CCDC15: variants seen among roughly 807,000 people sequenced by gnomAD.
CCDC15 encodes coiled-coil domain-containing protein 15.
In CCDC15, 105 loss-of-function variants were observed where a neutral mutation model predicts 114.5. The observed-to-expected ratio is 0.92, with a 90% CI of 0.78 to 1.08. The LOEUF is 1.08. Ranked by LOEUF, CCDC15 falls within the 50% of genes least tolerant of loss-of-function variation. The pLI is 0.00. For missense variants in CCDC15, 1,105 were observed against 1,093.6 expected (o/e 1.01, Z -0.15); for synonymous variants, 334 against 377.8 (o/e 0.88, Z 1.34).
intron 13 of CCDC15, among the ~76,000 whole-genome samples, chr11:125,015,336 A>G (rs1017597518): frequency 6.6e-6 from 1 of 152,260 alleles, no homozygotes; most frequent in African/African-American, 2.4e-5. Flanking sequence ...TGCCAAGGAT[A>G]TATCACTTTT....
rs561420404 is a variant in CCDC15, at chr11:125,004,021, A to C, written c.2307+62A>C. 6.6e-5 allele frequency: 56 copies of C among 853,946 alleles called. No individual in the cohort carries two copies. In the African/African-American group the frequency reaches 8.1e-4, roughly 12 times the overall value. 52.9% of individuals were successfully genotyped at this position (853,946 alleles called of 1,614,324 possible). A position where few individuals can be genotyped will look rare whatever the true frequency, so the allele number is the denominator to read the frequency against. On this transcript the variant is annotated intron_variant, in intron 12 of 15. Coordinates refer to ENST00000344762, the MANE Select transcript of CCDC15 (RefSeq NM_025004.3). The stretch of plus-strand genomic sequence containing the variant: ...TACTATGATAGTATTAATATATGAG[A>C]AATTGGAAACAATTTGTTGTGTCCT...
chr11:124,994,308 T>C (rs1281904822), intron 11 of CCDC15, among the ~76,000 whole-genome samples: 1 of 152,136 alleles, frequency 6.6e-6, no homozygotes, highest in Non-Finnish European at 1.5e-5. Context: ...CAGTGGAATT[T>C]GGACAAGATT....
intron 6 of CCDC15, among the ~76,000 whole-genome samples, chr11:124,986,211 T>A (rs1948153717): frequency 1.3e-5 from 2 of 152,224 alleles, no homozygotes; most frequent in East Asian, 3.8e-4. Context: ...GTTCCATTGT[T>A]CTGTATGTGT....
Position 124,975,250 on chromosome 11 carries a change from A to G in CCDC15, c.630+41A>G, listed in dbSNP as rs945522366. On this transcript the variant is annotated intron_variant, in intron 5 of 15. Transcript: ENST00000344762. ...ATACATGATTTAAAAAAATACAGGT[A>G]AAAAATACAGATAAAGATTTACTTA... 5 of 1,188,016 alleles carry G rather than the reference A, an allele frequency of 4.2e-6. No individual in the cohort carries two copies. In the African/African-American group the frequency reaches 6.3e-5, roughly 15 times the overall value. The allele number at this position is 1,188,016 out of a possible 1,614,324, so 73.6% of individuals were successfully genotyped here. A position where few individuals can be genotyped will look rare whatever the true frequency, so the allele number is the denominator to read the frequency against.
intron 11 of CCDC15, among the ~76,000 whole-genome samples, chr11:124,997,706 C>G (rs1465859639): frequency 6.6e-6 from 1 of 152,218 alleles, no homozygotes; most frequent in East Asian, 1.9e-4. Flanking sequence ...CTTTGGGAGG[C>G]TGAGGTGAAC....
At chr11:124,987,016 T>C (rs1227768929) in intron 7 of CCDC15, 111 bp from the exon 8 acceptor site, 3 of 1,374,076 alleles carry the variant, frequency 2.2e-6, no homozygotes, top group Non-Finnish European at 2.9e-6. Flanking sequence ...CACATTTTGT[T>C]CTAGTAATTT....
intron 5 of CCDC15, among the ~76,000 whole-genome samples, chr11:124,976,798 T>C (rs939633642): frequency 6.6e-6 from 1 of 152,090 alleles, no homozygotes; most frequent in African/African-American, 2.4e-5. Context: ...TATAAACCAG[T>C]TTTTTACGTC....
Position 125,038,539 on chromosome 11 carries a change from C to T in CCDC15, c.2520C>T (p.Ala840=). ...GAGAGAAGTTGAGTGAGATATTAGCCCAGTTACAACTTCAAGAAATAAAAG... is the reference window on the plus strand; with the variant it reads ...GAGAGAAGTTGAGTGAGATATTAGCTCAGTTACAACTTCAAGAAATAAAAG... ...YSGEKLSEIL[A]QLQLQEIKGT... is the part of the protein sequence containing the mutation. Residue 840 remains alanine (A), a synonymous_variant, in exon 14 of 16, where the codon GCC becomes GCT. Coordinates refer to ENST00000344762, the MANE Select transcript of CCDC15 (RefSeq NM_025004.3). 1.3e-6 allele frequency: 2 copies of T among 1,583,474 alleles called. No individual in the cohort carries two copies. Among genetic ancestry groups the T allele is most frequent in the Non-Finnish European group, 1.7e-6 (2 of 1,165,256 alleles).
chr11:124,986,716 C>CGA, intron 6 of CCDC15, 26 bp from the exon 7 acceptor site: 1 of 1,524,732 alleles, frequency 6.6e-7, no homozygotes, highest in Non-Finnish European at 8.8e-7. Flanking sequence ...CGCGCGCGTG[C>CGA]GCGTTTTCAT....
In CCDC15 at chr11:125,038,814, C is replaced by G. The variant is rs946178878; in HGVS notation, c.2586-107C>G. 5 of 1,342,958 alleles carry G rather than the reference C, an allele frequency of 3.7e-6. No homozygotes were observed. In the African/African-American group the frequency reaches 7.3e-5, roughly 20 times the overall value. 83.2% of individuals were successfully genotyped at this position (1,342,958 alleles called of 1,614,324 possible). A position where few individuals can be genotyped will look rare whatever the true frequency, so the allele number is the denominator to read the frequency against. ...AGTACAAAGAGGAAATGTCAAGGCC[C>G]AGAGATACGGAATAGATTTAACAGT... On this transcript the variant is annotated intron_variant, in intron 14 of 15. Coordinates refer to ENST00000344762, the MANE Select transcript of CCDC15 (RefSeq NM_025004.3).
At chr11:125,006,885 T>G (rs937739396) in intron 13 of CCDC15, among the ~76,000 whole-genome samples, 4 of 152,194 alleles carry the variant, frequency 2.6e-5, no homozygotes, top group Non-Finnish European at 5.9e-5. Flanking sequence ...ATTGATCTAT[T>G]TGTCTATTCT....
intron 11 of CCDC15, among the ~76,000 whole-genome samples, chr11:124,999,387 C>T (rs1948433065): frequency 6.6e-6 from 1 of 152,058 alleles, no homozygotes; most frequent in Non-Finnish European, 1.5e-5. Flanking sequence ...CCTTCTGCAA[C>T]TCCAGTTACA....
intron 4 of CCDC15, among the ~76,000 whole-genome samples, chr11:124,960,323 CAAAAAAAAAAAAAA>C (rs1206885094): frequency 8.5e-5 from 2 of 23,494 alleles, no homozygotes; most frequent in African/African-American, 2.3e-4. Context: ...GACTCCGTCT[CAAAAAAAAAAAAAA>C]AAAAAAAAAA....
intron 1 of CCDC15, 51 bp from the exon 2 acceptor site, chr11:124,954,673 C>A: frequency 6.4e-7 from 1 of 1,559,366 alleles, no homozygotes; most frequent in Non-Finnish European, 8.8e-7. Context: ...GGAGGTTGAA[C>A]TTTTAATGCA....
chr11:125,010,925 G>A (rs1383088029), intron 13 of CCDC15, among the ~76,000 whole-genome samples: 1 of 152,002 alleles, frequency 6.6e-6, no homozygotes, highest in African/African-American at 2.4e-5. Flanking sequence ...CATAGTTTGA[G>A]GTCTTACATT....
chr11:124,986,636 C>T, intron 6 of CCDC15, 106 bp from the exon 7 acceptor site: 1 of 1,232,406 alleles, frequency 8.1e-7, no homozygotes, highest in Non-Finnish European at 1.1e-6. Context: ...ATTGCAATCA[C>T]ATTGTTTCTT....
chr11:124,968,280 A>G (rs1947818755), intron 4 of CCDC15, among the ~76,000 whole-genome samples: 1 of 151,650 alleles, frequency 6.6e-6, no homozygotes, highest in African/African-American at 2.4e-5. Context: ...ACAGAGGCAG[A>G]CAGGCCTCGT....
intron 13 of CCDC15, among the ~76,000 whole-genome samples, chr11:125,007,528 A>G (rs1948561193): frequency 6.6e-6 from 1 of 152,218 alleles, no homozygotes; most frequent in Admixed American, 6.5e-5. Context: ...GAATGGTGCC[A>G]CAGTAAACAT....
In CCDC15 at chr11:125,024,186, G is replaced by A. The variant is rs983010483; in HGVS notation, c.2412-14245G>A. On this transcript the variant is annotated intron_variant, in intron 13 of 15. Coordinates refer to ENST00000344762, the MANE Select transcript of CCDC15 (RefSeq NM_025004.3). ...TTTCTCTTCTTCCGTGGATATATTT[G>A]TCTATCTTTATGTTAATACTATGAG... Among the ~76,000 whole-genome samples the A allele has an allele frequency of 1.7e-4, 26 of 151,800 alleles. 1 individual carries two copies. Among genetic ancestry groups the A allele is most frequent in the Admixed American group, 6.6e-5 (1 of 15,222 alleles).
Sources: gnomAD v4.1 joint callset for allele counts (sites outside exome capture counted in the v4.1 genomes callset) on GRCh38, gnomAD v4.1.1 for gene constraint, MANE v1.5 for transcripts, NCBI Gene and HGNC (gene_info 2026-07-23, HGNC 2026-07-21) for gene names.